SORCS3: variants seen among roughly 807,000 people sequenced by gnomAD.
SORCS3 encodes the protein sortilin related VPS10 domain containing receptor 3, also known as VPS10 domain-containing receptor SorCS3.
Under a neutral mutation model 146.3 loss-of-function variants are expected in SORCS3, and 57 were observed. The ratio of observed to expected loss-of-function variants is 0.39; its 90% CI spans 0.31 to 0.49. SORCS3 has a LOEUF of 0.49. Ranked by LOEUF, SORCS3 falls within the 20% of genes least tolerant of loss-of-function variation. The probability of loss-of-function intolerance (pLI) is 0.92; values close to 1 mark genes in which losing one functional copy is unlikely to be tolerated. For missense variants in SORCS3, 1,341 were observed against 1,575.5 expected (o/e 0.85, Z 2.52); for synonymous variants, 653 against 618.5 (o/e 1.06, Z -0.83).
intron 3 of SORCS3, among the ~76,000 whole-genome samples, chr10:104,944,487 A>G (rs7083866): frequency 0.28 from 41,967 of 152,066 alleles, 7,417 homozygotes; most frequent in African/African-American, 0.51. Flanking sequence ...TATCTAGACT[A>G]CATAAATAAT....
chr10:105,043,966 A>C (rs143850749), intron 5 of SORCS3, among the ~76,000 whole-genome samples: 1,941 of 152,204 alleles, frequency 0.013, 25 homozygotes, highest in African/African-American at 0.034. Context: ...CATGAAAATG[A>C]TTCTTACTTT....
At position 105,027,182 on chromosome 10, in the gene SORCS3, T is replaced by A. The variant is rs529375357; in HGVS notation, c.955-15873T>A. Among the ~76,000 whole-genome samples the A allele has an allele frequency of 1.1e-3, 171 of 152,252 alleles. 4 individuals are homozygous for A. The highest frequency in any genetic ancestry group is 9.7e-3 in the Admixed American group (148 of 15,292). ...CCATCCTTCCATCCTAGGTGACTTC[T>A]TCAGATGTCCACATCACCTGCCCTT... On this transcript the variant is annotated intron_variant, in intron 4 of 26. Coordinates refer to ENST00000369701, the MANE Select transcript of SORCS3 (RefSeq NM_014978.3).
At chr10:105,008,713 C>T (rs776219655) in intron 4 of SORCS3, among the ~76,000 whole-genome samples, 1 of 152,204 alleles carries the variant, frequency 6.6e-6, no homozygotes, top group Non-Finnish European at 1.5e-5. Context: ...GTGGCGCCAT[C>T]TCAAGTCACT....
chr10:104,965,549 G>A (rs2054821797), intron 3 of SORCS3, among the ~76,000 whole-genome samples: 1 of 152,084 alleles, frequency 6.6e-6, no homozygotes, highest in Non-Finnish European at 1.5e-5. Flanking sequence ...GTTCACAAGG[G>A]TTCCAACTTT....
At chr10:104,856,295 A>T (rs1400184183) in intron 2 of SORCS3, among the ~76,000 whole-genome samples, 4 of 151,310 alleles carry the variant, frequency 2.6e-5, no homozygotes, top group Admixed American at 2.6e-4. Context: ...CTCTACATAT[A>T]TATATATCAT....
At chr10:105,090,919 G>A (rs1182868562) in intron 6 of SORCS3, among the ~76,000 whole-genome samples, 2 of 152,216 alleles carry the variant, frequency 1.3e-5, no homozygotes, top group Non-Finnish European at 2.9e-5. Context: ...TGTGCTTTCT[G>A]CAGGAGAAAT....
At chr10:105,003,654 A>G (rs1036253290) in intron 4 of SORCS3, among the ~76,000 whole-genome samples, 2 of 152,178 alleles carry the variant, frequency 1.3e-5, no homozygotes, top group African/African-American at 4.8e-5. Context: ...CTTTTCATTA[A>G]TTGTGCTTTT....
At chr10:104,883,775 A>G (rs1026366276) in intron 2 of SORCS3, among the ~76,000 whole-genome samples, 2 of 152,122 alleles carry the variant, frequency 1.3e-5, no homozygotes, top group Non-Finnish European at 2.9e-5. Context: ...GGCCAATTCA[A>G]CTTCTTTTCC....
intron 2 of SORCS3, among the ~76,000 whole-genome samples, chr10:104,875,280 C>A (rs2018559896): frequency 6.6e-6 from 1 of 152,144 alleles, no homozygotes; most frequent in South Asian, 2.1e-4. Context: ...ATCAAGGATG[C>A]CATCTTGGGA....
chr10:104,641,678 G>T lies in SORCS3; in HGVS notation c.351G>T (p.Arg117=). ...GTSPAGERRG[R]GIPAPAKLGG... The stretch of plus-strand genomic sequence containing the variant: ...CACCGGCAGGCGAGCGGCGGGGCCG[G>T]GGCATCCCAGCTCCTGCCAAGCTTG... Residue 117 remains arginine, a synonymous_variant, in exon 1 of 27, where the codon CGG becomes CGT. Transcript: ENST00000369701. The surrounding 1 kb of genome is among the most constrained non-coding windows in gnomAD (Gnocchi z 6.4). 6.5e-7 allele frequency: 1 copy of T among 1,528,240 alleles called. No individual in the cohort carries two copies. The highest frequency in any genetic ancestry group is 8.8e-7 in the Non-Finnish European group (1 of 1,141,198). 94.7% of individuals were successfully genotyped at this position (1,528,240 alleles called of 1,614,324 possible). A position where few individuals can be genotyped will look rare whatever the true frequency, so the allele number is the denominator to read the frequency against.
At chr10:105,140,544 G>A (rs1044107329) in intron 8 of SORCS3, among the ~76,000 whole-genome samples, 1 of 152,136 alleles carries the variant, frequency 6.6e-6, no homozygotes, top group African/African-American at 2.4e-5. Context: ...TGACATAAAA[G>A]GTGGTTTTAG....
intron 1 of SORCS3, among the ~76,000 whole-genome samples, chr10:104,810,370 GTCA>G (rs2017727009): frequency 6.6e-6 from 1 of 152,052 alleles, no homozygotes; most frequent in East Asian, 1.9e-4. Flanking sequence ...ATTTAACATT[GTCA>G]TCATATAGTG....
intron 4 of SORCS3, among the ~76,000 whole-genome samples, chr10:105,023,919 C>T (rs764379878): frequency 2.9e-4 from 44 of 151,890 alleles, no homozygotes; most frequent in Non-Finnish European, 5.6e-4. Context: ...ATTATCAAAC[C>T]GTAAAATCCA....
At chr10:104,826,482 C>T (rs558063511) in intron 1 of SORCS3, among the ~76,000 whole-genome samples, 70 of 152,274 alleles carry the variant, frequency 4.6e-4, no homozygotes, top group African/African-American at 1.5e-3. Context: ...GCCCCATGCA[C>T]ATAAATGTTA....
chr10:104,729,141 T>G (rs1006858759), intron 1 of SORCS3, among the ~76,000 whole-genome samples: 2 of 152,218 alleles, frequency 1.3e-5, no homozygotes, highest in Non-Finnish European at 2.9e-5. Flanking sequence ...TAAAAAATGG[T>G]ATGTGTAACT....
At chr10:104,991,054 TC>T (rs1397489156) in intron 4 of SORCS3, among the ~76,000 whole-genome samples, 1 of 152,170 alleles carries the variant, frequency 6.6e-6, no homozygotes, top group Non-Finnish European at 1.5e-5. Flanking sequence ...ACTGCTTGTC[TC>T]CACCAGCTTC....
chr10:104,672,542 T>C (rs2015867729), intron 1 of SORCS3, among the ~76,000 whole-genome samples: 1 of 152,032 alleles, frequency 6.6e-6, no homozygotes, highest in East Asian at 1.9e-4. Flanking sequence ...TTAAGTTAGG[T>C]TATTGATTTG....
At chr10:105,149,444 A>C (rs2056153564) in intron 9 of SORCS3, among the ~76,000 whole-genome samples, 1 of 152,152 alleles carries the variant, frequency 6.6e-6, no homozygotes. Flanking sequence ...AGAGGTGTGG[A>C]GACTAGTAGA....
At chr10:104,995,082 T>C (rs1290167426) in intron 4 of SORCS3, among the ~76,000 whole-genome samples, 5 of 152,114 alleles carry the variant, frequency 3.3e-5, no homozygotes, top group African/African-American at 9.6e-5. Context: ...TTCTTTATAT[T>C]CTTAGTAACA....
Sources: gnomAD v4.1 joint callset for allele counts (sites outside exome capture counted in the v4.1 genomes callset) on GRCh38, gnomAD v4.1.1 for gene constraint, Gnocchi (gnomAD v3.1) non-coding constraint, MANE v1.5 for transcripts, NCBI Gene and HGNC (gene_info 2026-07-23, HGNC 2026-07-21) for gene names.